MYOCOS: variants seen among roughly 807,000 people sequenced by gnomAD.
MYOCOS encodes myocilin opposite strand protein.
chr1:171,624,012 G>A, intron 2 of MYOCOS, 34 bp downstream of exon 2: 1 of 398,592 alleles, frequency 2.5e-6, no homozygotes, highest in Non-Finnish European at 4.4e-6. Flanking sequence ...TCGCTTGTGG[G>A]GTTGGGACGG....
upstream of MYOCOS, among the ~76,000 whole-genome samples, chr1:171,618,559 TTTTG>T (rs138926013): frequency 4.5e-3 from 685 of 150,730 alleles, 6 homozygotes; most frequent in Non-Finnish European, 6.0e-3. Context: ...ACTATCTCCT[TTTTG>T]TTTGTTTGTT....
At chr1:171,602,957 G>A (rs1652170973) in intron 1 of MYOCOS, among the ~76,000 whole-genome samples, 1 of 152,186 alleles carries the variant, frequency 6.6e-6, no homozygotes, top group African/African-American at 2.4e-5. Flanking sequence ...CAATTGTTAT[G>A]CTTGTGCACA....
upstream of MYOCOS, among the ~76,000 whole-genome samples, chr1:171,620,214 A>C (rs924043133): frequency 2.6e-5 from 4 of 151,658 alleles, no homozygotes; most frequent in African/African-American, 9.7e-5. Context: ...TCTGATTTTT[A>C]TGCTGCCCAA....
chr1:171,608,408 C>CTTTTTTTTTTTT lies in MYOCOS; in HGVS notation c.-251-6374_-251-6363dup, dbSNP rs34773729. ...CTGGCCTTGAGTCCAGGGAACCAGA[C>CTTTTTTTTTTTT]TTTTTTTTTTTTTTTTTTTTTTTTT... is the stretch of plus-strand genomic sequence containing the variant. On this transcript the variant is annotated intron_variant, in intron 1 of 3. Transcript: ENST00000636697. 7.8e-5 allele frequency among the ~76,000 whole-genome samples: 4 copies of CTTTTTTTTTTTT among 51,382 alleles called. 1 individual carries two copies. The highest frequency in any genetic ancestry group is 2.6e-4 in the African/African-American group (3 of 11,554). 33.7% of individuals were successfully genotyped at this position (51,382 alleles called of 152,430 possible).
chr1:171,610,308 T>C (rs1052376223), intron 1 of MYOCOS, among the ~76,000 whole-genome samples: 3 of 152,230 alleles, frequency 2.0e-5, no homozygotes, highest in African/African-American at 7.2e-5. Flanking sequence ...CAATTGTATC[T>C]TCAAAGGTCA....
At chr1:171,601,134 T>C (rs235887) in intron 1 of MYOCOS, 122,269 of 152,266 alleles carry the variant, frequency 0.8, 49,253 homozygotes, top group Middle Eastern at 0.9. Flanking sequence ...AGCAGGCCCC[T>C]GCGGAGGATT....
intron 2 of MYOCOS, among the ~76,000 whole-genome samples, chr1:171,624,502 T>A (rs1242243248): frequency 6.6e-6 from 1 of 151,910 alleles, no homozygotes; most frequent in Non-Finnish European, 1.5e-5. Context: ...GCTGGAGCAA[T>A]CTTGGCTCAC....
chr1:171,611,358 C>A (rs904655285), intron 1 of MYOCOS, among the ~76,000 whole-genome samples: 1 of 152,156 alleles, frequency 6.6e-6, no homozygotes, highest in Non-Finnish European at 1.5e-5. Context: ...CAATTCTCAA[C>A]GTACCACTTC....
chr1:171,607,803 G>A (rs1652278774), intron 1 of MYOCOS, among the ~76,000 whole-genome samples: 2 of 152,194 alleles, frequency 1.3e-5, no homozygotes, highest in African/African-American at 4.8e-5. Context: ...TGGCCAGGGT[G>A]TACAGAAAAC....
intron 1 of MYOCOS, among the ~76,000 whole-genome samples, chr1:171,603,001 A>C (rs1287796907): frequency 6.6e-6 from 1 of 152,172 alleles, no homozygotes; most frequent in Non-Finnish European, 1.5e-5. Context: ...TCCCCCTTCC[A>C]CTAAGGTGGT....
In MYOCOS at chr1:171,626,399, T is replaced by C. The variant is rs1412915218; in HGVS notation, c.96-55T>C. The stretch of plus-strand genomic sequence containing the variant: ...GCCCAGTCTGTTTCCTTTTCCTCTG[T>C]TTATTTAAAACCCTATCTTTATTCA... On this transcript the variant is annotated intron_variant, in intron 2 of 2. Transcript: ENST00000637642. The C allele has an allele frequency of 2.8e-5, 11 of 397,890 alleles. No homozygotes were observed. The East Asian group carries it at 3.9e-4, about 14-fold the overall frequency. 24.6% of individuals were successfully genotyped at this position (397,890 alleles called of 1,614,324 possible).
intron 1 of MYOCOS, among the ~76,000 whole-genome samples, chr1:171,608,610 A>T (rs1157412332): frequency 2.0e-5 from 3 of 151,640 alleles, no homozygotes; most frequent in Admixed American, 2.0e-4. Flanking sequence ...TTTAGTAGAG[A>T]TGGGGTTTCA....
chr1:171,603,139 T>C (rs916185911), intron 1 of MYOCOS, among the ~76,000 whole-genome samples: 1 of 152,190 alleles, frequency 6.6e-6, no homozygotes, highest in African/African-American at 2.4e-5. Context: ...CCAAAGGCCA[T>C]CCAGCTTCCG....
chr1:171,622,332 G>A lies in MYOCOS; in HGVS notation c.-44G>A, dbSNP rs1444389397. On this transcript the variant is annotated splice_region_variant and 5_prime_UTR_variant, in exon 1 of 3. Coordinates refer to ENST00000637642, the MANE Select transcript of MYOCOS (RefSeq NM_001391940.1). ...GATTTCTCAAGGACACGGCTCCAGG[G>A]GTAATTTGTTTCAGCTGCTGCTTTC... 6.6e-6 allele frequency: 1 copy of A among 152,150 alleles called. No homozygotes were observed. Among genetic ancestry groups the A allele is most frequent in the Admixed American group, 6.6e-5 (1 of 15,250 alleles). 9.4% of individuals were successfully genotyped at this position (152,150 alleles called of 1,614,324 possible). A position where few individuals can be genotyped will look rare whatever the true frequency, so the allele number is the denominator to read the frequency against.
chr1:171,609,736 A>G (rs1652322244), intron 1 of MYOCOS, among the ~76,000 whole-genome samples: 1 of 152,134 alleles, frequency 6.6e-6, no homozygotes, highest in Admixed American at 6.5e-5. Context: ...CTTGGCCTCA[A>G]GTGATCCTCC....
chr1:171,624,306 G>C (rs756986637), intron 2 of MYOCOS, among the ~76,000 whole-genome samples: 5 of 151,906 alleles, frequency 3.3e-5, no homozygotes, highest in Admixed American at 6.6e-5. Flanking sequence ...TCTGTCACCT[G>C]GGCTGGAGTT....
chr1:171,603,902 T>G (rs964740671), intron 1 of MYOCOS, among the ~76,000 whole-genome samples: 1 of 152,156 alleles, frequency 6.6e-6, no homozygotes, highest in African/African-American at 2.4e-5. Flanking sequence ...AGTCCCCCCA[T>G]GCTGTGGTGA....
At chr1:171,609,636 C>A (rs1237245017) in intron 1 of MYOCOS, among the ~76,000 whole-genome samples, 1 of 152,168 alleles carries the variant, frequency 6.6e-6, no homozygotes, top group African/African-American at 2.4e-5. Context: ...AACTTAGTAG[C>A]TTAAGACAGC....
At chr1:171,605,841 T>G (rs1050401446) in intron 1 of MYOCOS, among the ~76,000 whole-genome samples, 1 of 152,132 alleles carries the variant, frequency 6.6e-6, no homozygotes, top group Non-Finnish European at 1.5e-5. Flanking sequence ...TTTTAAAAAT[T>G]ATTACTAATA....
Sources: allele counts gnomAD v4.1 joint callset (sites outside exome capture counted in the v4.1 genomes callset), GRCh38; gene constraint gnomAD v4.1.1; transcripts MANE v1.5; gene names NCBI Gene and HGNC (gene_info 2026-07-23, HGNC 2026-07-21).